The following CEP83 variants were observed in gnomAD, a reference collection of about 807,000 sequenced individuals.
CEP83 encodes the protein centrosomal protein of 83 kDa.
Under a neutral mutation model 101.9 loss-of-function variants are expected in CEP83, and 70 were observed. The observed-to-expected ratio is 0.69, with a 90% CI of 0.57 to 0.84. The LOEUF is 0.84. CEP83 is among the 40% of genes least tolerant of loss of function. The probability of loss-of-function intolerance (pLI) is 0.00; values close to 1 mark genes in which losing one functional copy is unlikely to be tolerated. For synonymous variants in CEP83, 264 were observed against 267.9 expected (o/e 0.99, Z 0.14); for missense variants, 715 against 787.2 (o/e 0.91, Z 1.10).
chr12:94,366,472 T>A (rs1487950521), intron 11 of CEP83, among the ~76,000 whole-genome samples: 1 of 152,192 alleles, frequency 6.6e-6, no homozygotes, highest in Non-Finnish European at 1.5e-5. Context: ...ATTTTAGGAC[T>A]GAGGAAATAA....
intron 2 of CEP83, among the ~76,000 whole-genome samples, chr12:94,431,264 C>T (rs960831148): frequency 6.6e-6 from 1 of 151,936 alleles, no homozygotes; most frequent in Non-Finnish European, 1.5e-5. Context: ...AAATTGGATC[C>T]CTACCTCTCA....
rs747936759 is a variant in CEP83, at chr12:94,375,939, A to G, written c.880T>C (p.Leu294=). The G allele has an allele frequency of 2.6e-6, 4 of 1,536,928 alleles. No individual in the cohort carries two copies. In the South Asian group the frequency reaches 3.7e-5, roughly 14 times the overall value. ...TCAGCTTTATGCAATTTATTAATTAAAAAGGTATTTTGTTCACTGCTTGAT... is the reference window on the plus strand; with the variant it reads ...TCAGCTTTATGCAATTTATTAATTAGAAAGGTATTTTGTTCACTGCTTGAT... ...LQSSSEQNTF[L]INKLHKAERE... Residue 294 remains leucine, a synonymous_variant, in exon 8 of 17, where the codon TTA becomes CTA. Transcript: ENST00000397809.
the CEP83 span, among the ~76,000 whole-genome samples, chr12:94,296,743 A>G: frequency 6.6e-6 from 1 of 152,226 alleles, no homozygotes; most frequent in African/African-American, 2.4e-5. Flanking sequence ...ATTCTTTAGC[A>G]TATAATTCTC....
chr12:94,331,318 A>AAAAAAAAAAAAAAT (rs1267699635), intron 14 of CEP83, among the ~76,000 whole-genome samples: 1 of 75,828 alleles, frequency 1.3e-5, no homozygotes, highest in Non-Finnish European at 2.9e-5. Context: ...AAAAAAAAAG[A>AAAAAAAAAAAAAAT]TTTAATTATA....
the CEP83 span, chr12:94,278,243 C>A: frequency 1.4e-5 from 5 of 354,110 alleles, no homozygotes; most frequent in Non-Finnish European, 2.8e-5. Context: ...TCACACCATA[C>A]CCAAGCCTTT....
Position 94,310,100 on chromosome 12 carries a change from C to T in CEP83, c.1819G>A (p.Val607Ile), listed in dbSNP as rs750912882. Residue 607 changes from valine to isoleucine, a missense_variant, in exon 16 of 17, where the codon GTT becomes ATT. Coordinates refer to ENST00000397809, the MANE Select transcript of CEP83 (RefSeq NM_016122.3). Reference sequence around the variant, plus strand: ...AGCCTTGTATAGTCTTCAAAAGGAACATTTTGTCTTAAAAAGAAAAAGAAA... The same window carrying T: ...AGCCTTGTATAGTCTTCAAAAGGAATATTTTGTCTTAAAAAGAAAAAGAAA... ...TENQVLNRQN[V>I]PFEDYTRLQK... 1.9e-5 allele frequency: 29 copies of T among 1,529,472 alleles called. No individual in the cohort carries two copies. In the Admixed American group the frequency reaches 3.8e-4, roughly 20 times the overall value. The allele number at this position is 1,529,472 out of a possible 1,614,324, so 94.7% of individuals were successfully genotyped here.
chr12:94,378,939 A>G lies in CEP83; in HGVS notation c.653T>C (p.Val218Ala), dbSNP rs761638508. The G allele has an allele frequency of 1.4e-5, 22 of 1,613,976 alleles. No homozygotes were observed. The highest frequency in any genetic ancestry group is 1.8e-5 in the Non-Finnish European group (21 of 1,179,996). The change falls in exon 7 of 17, where the codon GTC becomes GCC. Residue 218 changes from valine (V) to alanine (A), a missense_variant. By Grantham distance (64) the Val-to-Ala change is moderately conservative. Transcript: ENST00000397809. ...ACCTTTTAATTTTTGACACAAATAG[A>G]CTTTTTCTCGAGCAAGTTGTTCCAC... ...KRVEQLAREK[V>A]YLCQKLKGLE... is the part of the protein sequence containing the mutation.
chr12:94,451,623 G>A (rs1360022475), intron 1 of CEP83, among the ~76,000 whole-genome samples: 1 of 152,094 alleles, frequency 6.6e-6, no homozygotes, highest in Non-Finnish European at 1.5e-5. Flanking sequence ...ATACTAACTA[G>A]AATGGCTATA....
chr12:94,335,488 AT>A, intron 12 of CEP83, 100 bp downstream of exon 12: 4 of 713,312 alleles, frequency 5.6e-6, no homozygotes, highest in Non-Finnish European at 9.7e-6. Context: ...TTGTGGTTAG[AT>A]TCTAAAAATA....
the CEP83 span, among the ~76,000 whole-genome samples, chr12:94,289,819 GAAAGTTAGAAATGCACTCACACAT>G: frequency 6.6e-6 from 1 of 152,188 alleles, no homozygotes; most frequent in Non-Finnish European, 1.5e-5. Flanking sequence ...GAGCAGCTGT[GAAAGTTAGAAATGCACTCACACAT>G]ACGCGCTCAC....
chr12:94,395,205 G>C (rs912886425), intron 6 of CEP83, among the ~76,000 whole-genome samples: 12 of 151,988 alleles, frequency 7.9e-5, no homozygotes, highest in Admixed American at 6.6e-5. Context: ...GCCTGGGGGA[G>C]GGATAGCATT....
chr12:94,270,886 GA>G, the CEP83 span, among the ~76,000 whole-genome samples: 22 of 152,158 alleles, frequency 1.4e-4, no homozygotes, highest in African/African-American at 5.3e-4. Flanking sequence ...GTGGGGAAAG[GA>G]AAAGGGGAGC....
chr12:94,350,422 A>G (rs1277368612), intron 11 of CEP83, among the ~76,000 whole-genome samples: 1 of 152,236 alleles, frequency 6.6e-6, no homozygotes, highest in African/African-American at 2.4e-5. Context: ...TGTTGGGAAA[A>G]CTGGATACAT....
intron 1 of CEP83, among the ~76,000 whole-genome samples, chr12:94,452,782 T>C (rs2067356213): frequency 6.6e-6 from 1 of 152,120 alleles, no homozygotes; most frequent in African/African-American, 2.4e-5. Context: ...TCATTAATAA[T>C]GGCAAGGATA....
At chr12:94,309,683 A>G (rs1969537149) in intron 16 of CEP83, among the ~76,000 whole-genome samples, 1 of 152,182 alleles carries the variant, frequency 6.6e-6, no homozygotes, top group Non-Finnish European at 1.5e-5. Context: ...TCGTCCAGTA[A>G]GAGATTTCAC....
chr12:94,323,419 G>A lies in CEP83; in HGVS notation c.1707+8281C>T, dbSNP rs142013827. The stretch of plus-strand genomic sequence containing the variant: ...AAGATCCAAGGGAGAAGCGTGGGTC[G>A]CTGGGGTCACTCACTCACTCACCAC... On this transcript the variant is annotated intron_variant, in intron 14 of 16. Transcript: ENST00000397809. 1.1e-3 allele frequency among the ~76,000 whole-genome samples: 162 copies of A among 152,134 alleles called. 1 individual carries two copies. Among genetic ancestry groups the A allele is most frequent in the East Asian group, 5.0e-3 (26 of 5,166 alleles).
chr12:94,286,427 G>A, the CEP83 span, among the ~76,000 whole-genome samples: 2 of 152,002 alleles, frequency 1.3e-5, no homozygotes, highest in African/African-American at 2.4e-5. Context: ...TGATTAAGCA[G>A]CGCCTCCGCA....
intron 2 of CEP83, among the ~76,000 whole-genome samples, chr12:94,417,817 T>C (rs756795306): frequency 6.0e-5 from 9 of 150,036 alleles, no homozygotes; most frequent in South Asian, 4.2e-4. Context: ...CATACATACA[T>C]ACATTAAAAA....
intron 11 of CEP83, among the ~76,000 whole-genome samples, chr12:94,357,361 T>C (rs956077920): frequency 9.2e-5 from 14 of 151,900 alleles, no homozygotes; most frequent in Non-Finnish European, 1.3e-4. Flanking sequence ...AAAAAGAATG[T>C]AGAAAAAATC....
Sources: allele counts gnomAD v4.1 joint callset (sites outside exome capture counted in the v4.1 genomes callset), GRCh38; gene constraint gnomAD v4.1.1; transcripts MANE v1.5; gene names NCBI Gene and HGNC (gene_info 2026-07-23, HGNC 2026-07-21).